Variants in ARID1B observed in about 807,000 individuals in gnomAD.
ARID1B encodes AT-rich interaction domain 1B.
In ARID1B, 30 loss-of-function variants were observed where a neutral mutation model predicts 212.3. That is an observed-to-expected ratio of 0.14 (90% CI 0.11 to 0.19). ARID1B has a LOEUF of 0.19. Among genes scored for constraint, ARID1B ranks in the 10% least tolerant of loss-of-function variants. The pLI is 1.00. For missense variants in ARID1B, 2,891 were observed against 3,204.0 expected (o/e 0.90, Z 2.36); for synonymous variants, 1,402 against 1,301.7 (o/e 1.08, Z -1.66).
intron 4 of ARID1B, chr6:156,940,810 T>G (rs574982899): frequency 2.0e-5 from 3 of 152,142 alleles, no homozygotes; most frequent in Non-Finnish European, 4.4e-5. Context: ...CGGGAAAAGC[T>G]TTTTAACTGG....
chr6:156,981,328 G>A (rs770742065), intron 4 of ARID1B, among the ~76,000 whole-genome samples: 9 of 152,152 alleles, frequency 5.9e-5, no homozygotes, highest in East Asian at 1.9e-4. Context: ...TCTTCACATC[G>A]AGTATATAGA....
At chr6:157,193,844 T>G (rs1793546737) in intron 15 of ARID1B, 1 of 152,256 alleles carries the variant, frequency 6.6e-6, no homozygotes, top group South Asian at 2.1e-4. Flanking sequence ...TTTCCCAGGC[T>G]GCGAATGCTG....
At chr6:156,813,109 T>TACATACATATATATATA (rs1491446856) in intron 1 of ARID1B, among the ~76,000 whole-genome samples, 3 of 45,336 alleles carry the variant, frequency 6.6e-5, no homozygotes, top group Admixed American at 3.2e-4. Context: ...TATATATATA[T>TACATACATATATATATA]TTTTTTTTTT....
At chr6:156,886,628 C>G (rs188510325) in intron 2 of ARID1B, among the ~76,000 whole-genome samples, 7 of 152,230 alleles carry the variant, frequency 4.6e-5, no homozygotes, top group Non-Finnish European at 7.4e-5. Flanking sequence ...TGAGCACTTC[C>G]GTTTGTGACT....
At chr6:157,084,039 C>T (rs954641642) in intron 4 of ARID1B, among the ~76,000 whole-genome samples, 1 of 151,254 alleles carries the variant, frequency 6.6e-6, no homozygotes, top group Non-Finnish European at 1.5e-5. Context: ...GAGGCTGAGG[C>T]AGGAGAATCG....
chr6:156,872,411 T>A (rs1265219887), intron 2 of ARID1B, among the ~76,000 whole-genome samples: 1 of 152,184 alleles, frequency 6.6e-6, no homozygotes, highest in Non-Finnish European at 1.5e-5. Flanking sequence ...GAGCTCCGTC[T>A]CCCAGGTTCA....
intron 1 of ARID1B, among the ~76,000 whole-genome samples, chr6:156,799,101 G>C (rs1018357464): frequency 4.6e-5 from 7 of 152,192 alleles, no homozygotes; most frequent in Non-Finnish European, 8.8e-5. Context: ...CTGTAGGTCA[G>C]ATTCCCTCAT....
rs766030463 is a variant in ARID1B at position 157,200,759 on chromosome 6, G to A, written c.4534G>A (p.Gly1512Ser). Residue 1512 changes from glycine to serine, a missense_variant, in exon 18 of 20, where the codon GGC becomes AGC. By Grantham distance (56) the Gly-to-Ser change is moderately conservative (BLOSUM62 0). Coordinates refer to ENST00000636930, the MANE Select transcript of ARID1B (RefSeq NM_001374828.1). The surrounding 1 kb of genome is among the most constrained non-coding windows in gnomAD (Gnocchi z 4.3). ...CGGGCCCCCAGCCAAGCGCCACGAG[G>A]GCGACATGTACAACATGCAGTACAG... ...MYGPPAKRHEGDMYNMQYSSQ... is the reference protein window; with the variant it reads ...MYGPPAKRHESDMYNMQYSSQ... The A allele has an allele frequency of 1.9e-6, 3 of 1,613,814 alleles. No individual in the cohort carries two copies. The highest frequency in any genetic ancestry group is 2.5e-6 in the Non-Finnish European group (3 of 1,179,952).
chr6:156,812,978 A>ATG (rs1336790734), intron 1 of ARID1B, among the ~76,000 whole-genome samples: 2 of 119,876 alleles, frequency 1.7e-5, no homozygotes, highest in Non-Finnish European at 3.4e-5. Context: ...GTGTGTGTGT[A>ATG]TGTATATACA....
intron 1 of ARID1B, among the ~76,000 whole-genome samples, chr6:156,805,302 A>G (rs1781077147): frequency 6.6e-6 from 1 of 152,206 alleles, no homozygotes; most frequent in Non-Finnish European, 1.5e-5. Flanking sequence ...AGGGAATGAG[A>G]CAGGATAGGC....
chr6:156,793,352 T>C (rs1163446572), intron 1 of ARID1B, among the ~76,000 whole-genome samples: 1 of 152,098 alleles, frequency 6.6e-6, no homozygotes, highest in Non-Finnish European at 1.5e-5. Flanking sequence ...TGGGATTTTT[T>C]TTCCTTTTCT....
At chr6:156,981,197 CATGACCTGTGGGCAGGATGG>C (rs1777580566) in intron 4 of ARID1B, among the ~76,000 whole-genome samples, 1 of 152,208 alleles carries the variant, frequency 6.6e-6, no homozygotes, top group South Asian at 2.1e-4. Flanking sequence ...TCCAGGTCCA[CATGACCTGTGGGCAGGATGG>C]ATGATTGATG....
intron 4 of ARID1B, among the ~76,000 whole-genome samples, chr6:157,061,855 C>G (rs775507578): frequency 5.9e-5 from 9 of 152,264 alleles, no homozygotes; most frequent in Non-Finnish European, 1.3e-4. Context: ...TTTCAGACAA[C>G]CCAATTAAGA....
chr6:156,852,774 T>C (rs754800431), intron 2 of ARID1B, among the ~76,000 whole-genome samples: 32 of 152,372 alleles, frequency 2.1e-4, no homozygotes, highest in South Asian at 8.3e-4. Flanking sequence ...CTTTCAGATA[T>C]TAGCGACCCC....
intron 4 of ARID1B, among the ~76,000 whole-genome samples, chr6:156,945,372 G>A (rs887609300): frequency 1.3e-5 from 2 of 148,928 alleles, no homozygotes; most frequent in African/African-American, 4.9e-5. Context: ...GCACAAAATG[G>A]TATGCACTGA....
intron 4 of ARID1B, among the ~76,000 whole-genome samples, chr6:157,049,687 A>C (rs1178388915): frequency 1.3e-5 from 2 of 152,378 alleles, no homozygotes; most frequent in South Asian, 2.1e-4. Flanking sequence ...CATATTATTT[A>C]TAATGAGAAT....
chr6:156,906,546 CAAAAAAAAAAAAA>C (rs55660810), intron 3 of ARID1B, among the ~76,000 whole-genome samples: 671 of 39,722 alleles, frequency 0.017, 18 homozygotes, highest in African/African-American at 0.044. Context: ...ACTCCATCTC[CAAAAAAAAAAAAA>C]AAAAAAAAAA....
At chr6:157,188,662 G>C (rs529335735) in intron 13 of ARID1B, among the ~76,000 whole-genome samples, 11 of 152,278 alleles carry the variant, frequency 7.2e-5, no homozygotes, top group South Asian at 4.1e-4. Flanking sequence ...ATGAGGGCAG[G>C]GGTTGTTGTC....
At chr6:157,029,391 T>G (rs1780886169) in intron 4 of ARID1B, among the ~76,000 whole-genome samples, 1 of 152,248 alleles carries the variant, frequency 6.6e-6, no homozygotes, top group Non-Finnish European at 1.5e-5. Flanking sequence ...TTTGTTATAG[T>G]CTTTAGCGCA....
Sources: gnomAD v4.1 joint callset for allele counts (sites outside exome capture counted in the v4.1 genomes callset) on GRCh38, gnomAD v4.1.1 for gene constraint, Gnocchi (gnomAD v3.1) non-coding constraint, MANE v1.5 for transcripts, NCBI Gene and HGNC (gene_info 2026-07-23, HGNC 2026-07-21) for gene names.